The following LRP2 variants were observed in gnomAD, a reference collection of about 807,000 sequenced individuals.
LRP2 encodes the protein LDL receptor related protein 2, also known as low-density lipoprotein receptor-related protein 2.
In LRP2, 172 loss-of-function variants were observed where a neutral mutation model predicts 531.0. The observed-to-expected ratio is 0.32, with a 90% CI of 0.29 to 0.37. LRP2 has a LOEUF of 0.37. LRP2 is among the 10% of genes least tolerant of loss of function. The pLI, the probability that LRP2 is intolerant of heterozygous loss-of-function variation, is 1.00. For missense variants in LRP2, 5,167 were observed against 5,868.3 expected, an observed-to-expected ratio of 0.88 and a Z score of 3.90; for synonymous variants, 1,992 against 2,027.6, an observed-to-expected ratio of 0.98 and a Z score of 0.47.
chr2:169,211,889 A>G (rs944194523), intron 37 of LRP2, 79 bp downstream of exon 37: 7 of 1,571,508 alleles, frequency 4.5e-6, no homozygotes, highest in Non-Finnish European at 6.1e-6. Context: ...CCACACATGA[A>G]GAAATGTTTT....
At chr2:169,135,556 C>T (rs1321829495) in intron 76 of LRP2, among the ~76,000 whole-genome samples, 1 of 152,140 alleles carries the variant, frequency 6.6e-6, no homozygotes, top group Admixed American at 6.5e-5. Flanking sequence ...TCAGTGGAAC[C>T]TTCATACCCC....
intron 1 of LRP2, among the ~76,000 whole-genome samples, chr2:169,329,878 A>G (rs1685219469): frequency 6.6e-6 from 1 of 152,228 alleles, no homozygotes; most frequent in Non-Finnish European, 1.5e-5. Flanking sequence ...GCTAGGAACC[A>G]GGCTACACAG....
At chr2:169,191,083 A>T (rs1687813612) in intron 48 of LRP2, among the ~76,000 whole-genome samples, 1 of 152,208 alleles carries the variant, frequency 6.6e-6, no homozygotes, top group Non-Finnish European at 1.5e-5. Context: ...GAATTTTAAA[A>T]TTTGTTTCCA....
chr2:169,312,278 A>G (rs1684634510), intron 3 of LRP2, among the ~76,000 whole-genome samples: 2 of 151,948 alleles, frequency 1.3e-5, no homozygotes, highest in South Asian at 2.1e-4. Flanking sequence ...TCGTTAGTTG[A>G]TGCAGTTTCT....
intron 46 of LRP2, among the ~76,000 whole-genome samples, chr2:169,196,415 A>C (rs1375481461): frequency 6.6e-6 from 1 of 152,220 alleles, no homozygotes; most frequent in African/African-American, 2.4e-5. Context: ...ACAGGGCATA[A>C]CTGTCCCCAG....
At chr2:169,346,311 C>A (rs193226176) in intron 1 of LRP2, among the ~76,000 whole-genome samples, 2 of 152,182 alleles carry the variant, frequency 1.3e-5, no homozygotes, top group African/African-American at 4.8e-5. Context: ...ATTTTTAAAC[C>A]ATGCATTTTG....
intron 19 of LRP2, among the ~76,000 whole-genome samples, chr2:169,255,449 T>C (rs907556358): frequency 6.6e-5 from 10 of 152,166 alleles, no homozygotes; most frequent in African/African-American, 2.2e-4. Flanking sequence ...CTGTGCTCAT[T>C]GTGACTGTAG....
intron 6 of LRP2, among the ~76,000 whole-genome samples, chr2:169,292,965 G>A (rs961962904): frequency 1.3e-5 from 2 of 152,062 alleles, no homozygotes; most frequent in African/African-American, 2.4e-5. Flanking sequence ...TACAAGCTCC[G>A]TAATTGCTAA....
intron 16 of LRP2, 123 bp downstream of exon 16, chr2:169,270,781 A>AATAAATAAATAC: frequency 2.5e-6 from 1 of 402,680 alleles, no homozygotes; most frequent in Middle Eastern, 7.4e-4. Flanking sequence ...TAAATAAATA[A>AATAAATAAATAC]ATAAATAAAT....
intron 1 of LRP2, among the ~76,000 whole-genome samples, chr2:169,343,199 G>A (rs565013202): frequency 5.3e-4 from 81 of 152,280 alleles, no homozygotes; most frequent in Admixed American, 1.5e-3. Context: ...GTCCACCAAC[G>A]TTTGAACTTC....
chr2:169,213,388 G>A (rs549428797), intron 36 of LRP2, among the ~76,000 whole-genome samples: 2 of 152,272 alleles, frequency 1.3e-5, no homozygotes, highest in African/African-American at 4.8e-5. Context: ...GTTCTATGAA[G>A]TAAAAGCAAA....
At position 169,318,742 on chromosome 2, in the gene LRP2, A is replaced by T. The variant is rs762053786; in HGVS notation, c.310+20T>A. The T allele has an allele frequency of 3.1e-6, 5 of 1,613,908 alleles. No individual in the cohort carries two copies. Among genetic ancestry groups the T allele is most frequent in the Non-Finnish European group, 8.5e-7 (1 of 1,179,924 alleles). ...TAGGTGTCCACAAAGCCAAAGCAAGATTCCTCTCCAAACACTTACAGCAAT... is the reference window on the plus strand; with the variant it reads ...TAGGTGTCCACAAAGCCAAAGCAAGTTTCCTCTCCAAACACTTACAGCAAT... On this transcript the variant is annotated intron_variant, in intron 3 of 78. Transcript: ENST00000649046.
chr2:169,257,820 A>G (rs1451707627), intron 17 of LRP2, among the ~76,000 whole-genome samples: 2 of 110,194 alleles, frequency 1.8e-5, no homozygotes, highest in East Asian at 5.1e-4. Context: ...AAAAAAAAAC[A>G]AAAACAAAAA....
Position 169,188,201 on chromosome 2 carries a change from G to A in LRP2, c.9097C>T (p.Gln3033Ter). The A allele has an allele frequency of 6.2e-7, 1 of 1,614,084 alleles. No individual in the cohort carries two copies. ...TTCTGACAGGTAAACTGATTCTGTT[G>A]GCAAGTCTGGTATAAGCAGCCCCTC... ...DERGCLYQTC[Q>*]QNQFTCQNGR... Residue 3033 changes from glutamine (Q) to a stop codon, truncating the protein, a stop_gained, in exon 49 of 79, where the codon CAA becomes TAA. Transcript: ENST00000649046. LOFTEE classifies it high-confidence loss of function.
At chr2:169,341,696 G>A (rs1172805763) in intron 1 of LRP2, among the ~76,000 whole-genome samples, 2 of 152,174 alleles carry the variant, frequency 1.3e-5, no homozygotes, top group African/African-American at 4.8e-5. Flanking sequence ...GAGTATTAGA[G>A]TTAAGTATGT....
chr2:169,335,402 T>C (rs1685377157), intron 1 of LRP2, among the ~76,000 whole-genome samples: 1 of 152,348 alleles, frequency 6.6e-6, no homozygotes, highest in African/African-American at 2.4e-5. Flanking sequence ...CATCGTTATC[T>C]TTCTATCATC....
At chr2:169,213,511 T>C in intron 36 of LRP2, 146 bp downstream of exon 36, 1 of 766,288 alleles carries the variant, frequency 1.3e-6, no homozygotes, top group Non-Finnish European at 2.3e-6. Context: ...AAGACTTCAT[T>C]ATCATTTTTT....
At chr2:169,214,807 CA>C (rs1435183865) in intron 35 of LRP2, among the ~76,000 whole-genome samples, 1 of 152,180 alleles carries the variant, frequency 6.6e-6, no homozygotes, top group Non-Finnish European at 1.5e-5. Context: ...ATGTCTCCAA[CA>C]TGAAAGCAGG....
At chr2:169,142,863 G>A (rs1685773629) in intron 70 of LRP2, 70 bp from the exon 71 acceptor site, 4 of 1,589,484 alleles carry the variant, frequency 2.5e-6, no homozygotes, top group Non-Finnish European at 3.4e-6. Context: ...GCAACTGGAA[G>A]TGGCTCTGCC....
Sources: allele counts gnomAD v4.1 joint callset (sites outside exome capture counted in the v4.1 genomes callset), GRCh38; gene constraint gnomAD v4.1.1; transcripts MANE v1.5; gene names NCBI Gene and HGNC (gene_info 2026-07-23, HGNC 2026-07-21).